CACNG4: variants seen among roughly 807,000 people sequenced by gnomAD.
CACNG4 encodes the protein calcium voltage-gated channel auxiliary subunit gamma 4.
CACNG4 carries 8 observed loss-of-function variants against 22.9 expected under a neutral mutation model. The ratio of observed to expected loss-of-function variants is 0.35; its 90% CI spans 0.21 to 0.63. The LOEUF (loss-of-function observed/expected upper bound fraction) is 0.63. Among genes scored for constraint, CACNG4 ranks in the 30% least tolerant of loss-of-function variants. CACNG4 has a pLI of 0.72. For missense variants in CACNG4, 357 were observed against 455.4 expected (o/e 0.78, Z 1.97); for synonymous variants, 188 against 191.9 (o/e 0.98, Z 0.17).
At position 67,030,853 on chromosome 17, in the gene CACNG4, C is replaced by T. The variant is rs1258502203; in HGVS notation, c.833C>T (p.Thr278Met). Residue 278 changes from threonine (T) to methionine (M), a missense_variant, in exon 4 of 4, where the codon ACG becomes ATG. By Grantham distance (81) the Thr-to-Met change is moderately conservative. Coordinates refer to ENST00000262138, the MANE Select transcript of CACNG4 (RefSeq NM_014405.4). This position sits in a 1 kb window ranked among gnomAD's most constrained non-coding sequence, Gnocchi z 6.4. The part of the protein sequence containing the change: ...AIPMGELSMY[T>M]LSREPLKVTT... Reference sequence around the variant, plus strand: ...CCCATGGGGGAGCTGTCCATGTACACGCTGTCCAGGGAGCCCCTCAAGGTG... The same window carrying T: ...CCCATGGGGGAGCTGTCCATGTACATGCTGTCCAGGGAGCCCCTCAAGGTG... The T allele has an allele frequency of 1.8e-5, 29 of 1,613,428 alleles. No homozygotes were observed. The highest frequency in any genetic ancestry group is 2.2e-5 in the Non-Finnish European group (26 of 1,180,026).
intron 1 of CACNG4, 27 bp downstream of exon 1, chr17:66,965,158 C>CA: frequency 1.4e-6 from 1 of 703,724 alleles, no homozygotes; most frequent in Non-Finnish European, 1.9e-6. Context: ...CCCCTCGCCG[C>CA]CCCACACACA....
intron 1 of CACNG4, among the ~76,000 whole-genome samples, chr17:66,977,669 G>A (rs1220999442): frequency 6.6e-6 from 1 of 152,246 alleles, no homozygotes; most frequent in Non-Finnish European, 1.5e-5. Context: ...GAGCAGAGCT[G>A]GGTGCAGAAC....
chr17:67,022,283 C>T (rs1002947883), intron 2 of CACNG4, among the ~76,000 whole-genome samples: 5 of 152,090 alleles, frequency 3.3e-5, no homozygotes, highest in African/African-American at 9.7e-5. Flanking sequence ...CAATGTTGGC[C>T]AGGCTGGTCT....
intron 2 of CACNG4, among the ~76,000 whole-genome samples, chr17:67,024,245 G>A (rs1373267087): frequency 6.6e-6 from 1 of 152,208 alleles, no homozygotes; most frequent in Non-Finnish European, 1.5e-5. Flanking sequence ...GAATGGCCAG[G>A]CCCAGTGCTA....
At chr17:66,993,959 A>G (rs1403483064) in intron 1 of CACNG4, among the ~76,000 whole-genome samples, 1 of 152,074 alleles carries the variant, frequency 6.6e-6, no homozygotes, top group Admixed American at 6.6e-5. Context: ...TAACTACTGT[A>G]CTATCCATCT....
At position 67,030,579 on chromosome 17, in the gene CACNG4, T is replaced by G; in HGVS notation, c.559T>G (p.Phe187Val). The change falls in exon 4 of 4, where the codon TTT becomes GTT. Residue 187 changes from phenylalanine to valine, a missense_variant. Physicochemically the swap from Phe to Val is conservative, Grantham distance 50 (BLOSUM62 -1). This residue lies in a region of CACNG4 where 240 missense variants were observed against 277.6 expected (regional missense o/e 0.86). Coordinates refer to ENST00000262138, the MANE Select transcript of CACNG4 (RefSeq NM_014405.4). The surrounding 1 kb of genome is among the most constrained non-coding windows in gnomAD (Gnocchi z 6.4). ...TTACAACTACGGCTGGTCTTTTTAC[T>G]TTGGAGCTCTGTCTTTCATTGTGGC... is the stretch of plus-strand genomic sequence containing the variant. ...NHYNYGWSFYFGALSFIVAET... is the reference protein window; with the variant it reads ...NHYNYGWSFYVGALSFIVAET... The G allele has an allele frequency of 6.2e-7, 1 of 1,614,222 alleles. No individual in the cohort carries two copies. Among genetic ancestry groups the G allele is most frequent in the Non-Finnish European group, 8.5e-7 (1 of 1,180,040 alleles).
At chr17:66,994,612 C>A (rs1051143842) in intron 1 of CACNG4, among the ~76,000 whole-genome samples, 4 of 152,170 alleles carry the variant, frequency 2.6e-5, no homozygotes, top group African/African-American at 9.7e-5. Flanking sequence ...GAAAGCATGC[C>A]CTTTGGAACC....
At chr17:67,007,430 T>C (rs556402696) in intron 1 of CACNG4, among the ~76,000 whole-genome samples, 3 of 152,288 alleles carry the variant, frequency 2.0e-5, no homozygotes, top group Admixed American at 1.3e-4. Context: ...TTGAAAACCA[T>C]ATACTCACAC....
At chr17:66,974,605 CG>C (rs1375217729) in intron 1 of CACNG4, among the ~76,000 whole-genome samples, 1 of 152,060 alleles carries the variant, frequency 6.6e-6, no homozygotes. Flanking sequence ...GCAGAGTGCT[CG>C]TTAGGGTACC....
At chr17:66,982,367 C>T (rs936729554) in intron 1 of CACNG4, among the ~76,000 whole-genome samples, 25 of 152,130 alleles carry the variant, frequency 1.6e-4, no homozygotes, top group African/African-American at 5.6e-4. Flanking sequence ...ATTTTACAAA[C>T]CTCTAGCTAG....
intron 1 of CACNG4, among the ~76,000 whole-genome samples, chr17:66,977,655 C>G (rs1201543879): frequency 5.9e-5 from 9 of 152,238 alleles, no homozygotes; most frequent in Admixed American, 5.2e-4. Context: ...CACCACGGGG[C>G]AGGGAGCAGA....
At chr17:67,013,202 A>T (rs1475545181) in intron 1 of CACNG4, among the ~76,000 whole-genome samples, 1 of 152,066 alleles carries the variant, frequency 6.6e-6, no homozygotes, top group Non-Finnish European at 1.5e-5. Flanking sequence ...AGGTCATGGA[A>T]GGAGAGGCTC....
chr17:67,017,498 CGTT>C (rs34653846), intron 1 of CACNG4, among the ~76,000 whole-genome samples: 180 of 150,320 alleles, frequency 1.2e-3, no homozygotes, highest in Non-Finnish European at 1.4e-3. Flanking sequence ...TGGGCAAATT[CGTT>C]GTTGTTGTTG....
intron 2 of CACNG4, among the ~76,000 whole-genome samples, chr17:67,020,691 C>T (rs557736644): frequency 2.0e-5 from 3 of 152,246 alleles, no homozygotes; most frequent in South Asian, 4.1e-4. Flanking sequence ...AGCTTGAAGC[C>T]GGAGGGGCTG....
At position 67,024,842 on chromosome 17, in the gene CACNG4, C is replaced by T. The variant is rs2035553501; in HGVS notation, c.305-18C>T. Reference sequence around the variant, plus strand: ...ATCTCACTGCCCTCTGCTTTGTGCCCCCCACCTCCCCGGCCAGGCATCGTG... The same window carrying T: ...ATCTCACTGCCCTCTGCTTTGTGCCTCCCACCTCCCCGGCCAGGCATCGTG... On this transcript the variant is annotated intron_variant, in intron 2 of 3. Transcript: ENST00000262138. 2 of 1,520,232 alleles carry T rather than the reference C, an allele frequency of 1.3e-6. No homozygotes were observed. Among genetic ancestry groups the T allele is most frequent in the African/African-American group, 2.8e-5 (2 of 71,472 alleles). 94.2% of individuals were successfully genotyped at this position (1,520,232 alleles called of 1,614,324 possible). A position where few individuals can be genotyped will look rare whatever the true frequency, so the allele number is the denominator to read the frequency against.
intron 1 of CACNG4, among the ~76,000 whole-genome samples, chr17:67,009,562 A>G (rs935876285): frequency 3.9e-5 from 6 of 152,198 alleles, no homozygotes; most frequent in Non-Finnish European, 5.9e-5. Flanking sequence ...TCAGGCTGCT[A>G]ACAAACTACA....
intron 1 of CACNG4, among the ~76,000 whole-genome samples, chr17:66,972,664 G>A (rs976421606): frequency 4.7e-5 from 7 of 148,900 alleles, no homozygotes; most frequent in Non-Finnish European, 7.5e-5. Context: ...GGTGACTCAC[G>A]CCTGTAATCC....
At chr17:67,000,066 T>C (rs2035399057) in intron 1 of CACNG4, among the ~76,000 whole-genome samples, 1 of 152,140 alleles carries the variant, frequency 6.6e-6, no homozygotes, top group African/African-American at 2.4e-5. Flanking sequence ...AGGTGATGAA[T>C]GTGGCTCCCC....
At chr17:67,018,309 G>A in intron 2 of CACNG4, 37 bp downstream of exon 2, 1 of 1,541,194 alleles carries the variant, frequency 6.5e-7, no homozygotes, top group Non-Finnish European at 9.0e-7. Flanking sequence ...TTTCTGTGGG[G>A]AGGCGGAAGG....
Sources: allele counts gnomAD v4.1 joint callset (sites outside exome capture counted in the v4.1 genomes callset), GRCh38; gene constraint gnomAD v4.1.1; regional missense constraint gnomAD v4.1.1; non-coding constraint Gnocchi (gnomAD v3.1); transcripts MANE v1.5; gene names NCBI Gene and HGNC (gene_info 2026-07-23, HGNC 2026-07-21).